ADAMTSL5: variants seen among roughly 807,000 people sequenced by gnomAD.
ADAMTSL5 encodes ADAMTS-like protein 5.
Under a neutral mutation model 51.7 loss-of-function variants are expected in ADAMTSL5, and 53 were observed. The ratio of observed to expected loss-of-function variants is 1.03; its 90% confidence interval spans 0.82 to 1.29. The LOEUF (loss-of-function observed/expected upper bound fraction) is 1.29. Ranked by LOEUF, ADAMTSL5 falls within the 50% of genes most tolerant of loss-of-function variation. The pLI, the probability that ADAMTSL5 is intolerant of heterozygous loss-of-function variation, is 0.00. For synonymous variants in ADAMTSL5, 285 were observed against 278.7 expected, an observed-to-expected ratio of 1.02 and a Z score of -0.23; for missense variants, 770 against 676.2, an observed-to-expected ratio of 1.14 and a Z score of -1.54.
chr19:1,511,606 C>G, intron 1 of ADAMTSL5: 1 of 1,278,284 alleles, frequency 7.8e-7, no homozygotes, highest in Non-Finnish European at 1.0e-6. Context: ...CCCGCCCTCC[C>G]CACCATCACT....
chr19:1,511,843 G>C (rs1386660583), intron 1 of ADAMTSL5: 1 of 324,504 alleles, frequency 3.1e-6, no homozygotes, highest in East Asian at 8.4e-5. Flanking sequence ...GAGTCCCCCG[G>C]ATTGGGGATG....
intron 1 of ADAMTSL5, among the ~76,000 whole-genome samples, chr19:1,512,662 A>T (rs1913322472): frequency 6.6e-6 from 1 of 152,172 alleles, no homozygotes; most frequent in South Asian, 2.1e-4. Context: ...CCTGGGCGAC[A>T]TAGTGAGACT....
intron 7 of ADAMTSL5, 116 bp downstream of exon 7, chr19:1,507,882 A>G: frequency 8.2e-7 from 1 of 1,212,770 alleles, no homozygotes; most frequent in Non-Finnish European, 1.2e-6. Flanking sequence ...CAGGATGAGG[A>G]GAAAGGGGGG....
At chr19:1,508,294 G>A in intron 6 of ADAMTSL5, 149 bp downstream of exon 6, 1 of 1,245,866 alleles carries the variant, frequency 8.0e-7, no homozygotes, top group South Asian at 1.6e-5. Context: ...AAGGGGGGCT[G>A]GGGGCAGGGC....
At position 1,512,280 on chromosome 19, in the gene ADAMTSL5, C is replaced by G. The variant is rs79000512; in HGVS notation, c.-218+683G>C. On this transcript the variant is annotated intron_variant, in intron 1 of 11. Transcript: ENST00000330475. ...CAAGGGTCTAGGGTCCTGGGTATCT[C>G]TAGGTACTGAGACAGCTGTGTGGTC... Among the ~76,000 whole-genome samples, 644 of 152,312 alleles carry G rather than the reference C, an allele frequency of 4.2e-3. 5 individuals are homozygous for G. The highest frequency in any genetic ancestry group is 0.015 in the African/African-American group (615 of 41,546).
chr19:1,507,946 G>A (rs1913038432), intron 7 of ADAMTSL5, 52 bp downstream of exon 7: 16 of 1,524,760 alleles, frequency 1.0e-5, no homozygotes, highest in South Asian at 7.2e-5. Flanking sequence ...GCCACGGCTC[G>A]TTAAAGGGCC....
intron 1 of ADAMTSL5, chr19:1,511,915 G>A (rs1311376285): frequency 4.4e-6 from 1 of 225,196 alleles, no homozygotes; most frequent in Non-Finnish European, 9.3e-6. Context: ...ATCGGCGGAG[G>A]GGGTGGGACT....
rs1451483886 is a variant in ADAMTSL5 at position 1,506,372 on chromosome 19, G to T, written c.1115-56C>A. ...TGCTCAACTCTGCGCAAATCTCTACGCCCCCTCCCTTGCCAGAAGAGGGAC... is the reference window on the plus strand; with the variant it reads ...TGCTCAACTCTGCGCAAATCTCTACTCCCCCTCCCTTGCCAGAAGAGGGAC... On this transcript the variant is annotated intron_variant, in intron 11 of 11. Coordinates refer to ENST00000330475, the MANE Select transcript of ADAMTSL5 (RefSeq NM_213604.3). This position sits in a 1 kb window ranked among gnomAD's most constrained non-coding sequence, Gnocchi z 5.6. 1.3e-6 allele frequency: 2 copies of T among 1,526,264 alleles called. No homozygotes were observed. Among genetic ancestry groups the T allele is most frequent in the African/African-American group, 2.8e-5 (2 of 72,700 alleles). 94.5% of individuals were successfully genotyped at this position (1,526,264 alleles called of 1,614,324 possible). A position where few individuals can be genotyped will look rare whatever the true frequency, so the allele number is the denominator to read the frequency against.
In ADAMTSL5 at chr19:1,508,506, G is replaced by T; in HGVS notation, c.426C>A (p.Arg142=). ...GGCTGCAGGCGGTGCCGTCCAGGAC[G>T]CGGCCGAAGCTGTGGTAGAAGGCGT... The part of the protein sequence containing the change: ...EGHAFYHSFG[R]VLDGTACSPG... The change falls in exon 6 of 12, where the codon CGC becomes CGA. Residue 142 remains arginine (R), a synonymous_variant. Transcript: ENST00000330475. 6.3e-7 allele frequency: 1 copy of T among 1,587,008 alleles called. No individual in the cohort carries two copies. Among genetic ancestry groups the T allele is most frequent in the South Asian group, 1.1e-5 (1 of 88,556 alleles).
At position 1,508,557 on chromosome 19, in the gene ADAMTSL5, G is replaced by A. The variant is rs1345653961; in HGVS notation, c.375C>T (p.Cys125=). 1 of 1,563,528 alleles carries A rather than the reference G, an allele frequency of 6.4e-7. No individual in the cohort carries two copies. Among genetic ancestry groups the A allele is most frequent in the East Asian group, 2.3e-5 (1 of 42,638 alleles). ...WVPFHGAPNQ[C]DLNCLAEGHA... is the part of the protein sequence containing the mutation. The stretch of plus-strand genomic sequence containing the variant: ...GCCCCTCAGCCAGGCAGTTGAGGTC[G>A]CACTGGTTGGGCGCTGAGGGCAGGA... Residue 125 remains cysteine, a synonymous_variant, in exon 6 of 12, where the codon TGC becomes TGT. Coordinates refer to ENST00000330475, the MANE Select transcript of ADAMTSL5 (RefSeq NM_213604.3).
In ADAMTSL5 at chr19:1,510,220, C is replaced by G. The variant is rs765679876; in HGVS notation, c.291G>C (p.Gln97His). Residue 97 changes from glutamine to histidine, a missense_variant, in exon 5 of 12, where the codon CAG (glutamine) becomes CAC (histidine). By Grantham distance (24) the Gln-to-His change is conservative. Coordinates refer to ENST00000330475, the MANE Select transcript of ADAMTSL5 (RefSeq NM_213604.3). The stretch of plus-strand genomic sequence containing the variant: ...CAGGGCGGCCATTGTACAGGGCACA[C>G]TGTAGGTCTCGGAAGGGCACAGCCC... ...PPGAVPFRDL[Q>H]CALYNGRPVL... 2.5e-6 allele frequency: 4 copies of G among 1,613,350 alleles called. No individual in the cohort carries two copies. Among genetic ancestry groups the G allele is most frequent in the Non-Finnish European group, 2.5e-6 (3 of 1,179,916 alleles).
chr19:1,508,804 C>T (rs1568243319), intron 5 of ADAMTSL5: 2 of 475,106 alleles, frequency 4.2e-6, no homozygotes, highest in Non-Finnish European at 3.7e-6. Flanking sequence ...TTCATTCATT[C>T]ATTGTCTTTA....
intron 5 of ADAMTSL5, among the ~76,000 whole-genome samples, chr19:1,509,690 A>G (rs1913157607): frequency 6.6e-6 from 1 of 152,046 alleles, no homozygotes; most frequent in African/African-American, 2.4e-5. Context: ...GAAGGAAGAA[A>G]GGGAAGGAAG....
At chr19:1,507,886 A>G in intron 7 of ADAMTSL5, 112 bp downstream of exon 7, 5 of 1,236,218 alleles carry the variant, frequency 4.0e-6, no homozygotes, top group East Asian at 2.6e-5. Context: ...ATGAGGAGAA[A>G]GGGGGGCTGG....
In ADAMTSL5 at chr19:1,505,489, C is replaced by A. The variant is rs937558766; in HGVS notation, c.*526G>T. On this transcript the variant is annotated 3_prime_UTR_variant, in exon 12 of 12. Coordinates refer to ENST00000330475, the MANE Select transcript of ADAMTSL5 (RefSeq NM_213604.3). The stretch of plus-strand genomic sequence containing the variant: ...GCCAGGGGAAAAGGGGAAATTGGTA[C>A]GTTGGTACGTTACAGTGCCTGGTTA... 5 of 152,228 alleles carry A rather than the reference C, an allele frequency of 3.3e-5. No homozygotes were observed. Among genetic ancestry groups the A allele is most frequent in the African/African-American group, 1.2e-4 (5 of 41,378 alleles). 9.4% of individuals were successfully genotyped at this position (152,228 alleles called of 1,614,324 possible). A position where few individuals can be genotyped will look rare whatever the true frequency, so the allele number is the denominator to read the frequency against.
chr19:1,510,339 G>C (rs763511871), intron 4 of ADAMTSL5, 29 bp downstream of exon 4: 3 of 1,613,746 alleles, frequency 1.9e-6, no homozygotes, highest in Non-Finnish European at 2.5e-6. Context: ...TGGGGTGGGA[G>C]AGTGGTCTGG....
rs771642393 is a variant in ADAMTSL5, at chr19:1,508,454, C to G, written c.478G>C (p.Gly160Arg). The change falls in exon 6 of 12, where the codon GGC becomes CGC. Residue 160 changes from glycine (G) to arginine (R), a missense_variant. Gly to Arg is a moderately radical substitution (Grantham distance 125). Coordinates refer to ENST00000330475, the MANE Select transcript of ADAMTSL5 (RefSeq NM_213604.3). ...SPGAQGVCVAGRCLSAGCDGL... is the reference protein window; with the variant it reads ...SPGAQGVCVARRCLSAGCDGL... ...TGACGAGTCCTTACAAGGCAGCGGC[C>G]AGCCACGCAGACCCCCTGGGCACCC... 1 of 1,562,232 alleles carries G rather than the reference C, an allele frequency of 6.4e-7. No individual in the cohort carries two copies.
In ADAMTSL5 at chr19:1,512,961, A is replaced by T. The variant is rs1913336745; in HGVS notation, c.-218+2T>A. 1 of 152,282 alleles carries T rather than the reference A, an allele frequency of 6.6e-6. No homozygotes were observed. The highest frequency in any genetic ancestry group is 1.9e-4 in the East Asian group (1 of 5,178). The allele number at this position is 152,282 out of a possible 1,614,324, so 9.4% of individuals were successfully genotyped here. A position where few individuals can be genotyped will look rare whatever the true frequency, so the allele number is the denominator to read the frequency against. ...AGTGGGAGGATAGGCAGATGGACTTACCGGCTGCGCGGAGCCCAGGCAGCG... is the reference window on the plus strand; with the variant it reads ...AGTGGGAGGATAGGCAGATGGACTTTCCGGCTGCGCGGAGCCCAGGCAGCG... On this transcript the variant is annotated splice_donor_variant, in intron 1 of 11. Coordinates refer to ENST00000330475, the MANE Select transcript of ADAMTSL5 (RefSeq NM_213604.3). LOFTEE classifies it low-confidence loss of function (5UTR_SPLICE).
chr19:1,507,399 A>G lies in ADAMTSL5; in HGVS notation c.695T>C (p.Met232Thr). The change falls in exon 9 of 12, where the codon ATG becomes ACG. Residue 232 changes from methionine to threonine, a missense_variant. Transcript: ENST00000330475. ...EHRSRNHLAL[M>T]GGDGRYVLNG... is the part of the protein sequence containing the mutation. ...AAGCACGTAGCGCCCATCGCCCCCC[A>G]TCAGTGCTGCAAGGGAACAGTCAGC... 1.3e-6 allele frequency: 2 copies of G among 1,576,660 alleles called. No individual in the cohort carries two copies. Among genetic ancestry groups the G allele is most frequent in the Non-Finnish European group, 1.7e-6 (2 of 1,160,316 alleles).
Sources: allele counts gnomAD v4.1 joint callset (sites outside exome capture counted in the v4.1 genomes callset), GRCh38; gene constraint gnomAD v4.1.1; non-coding constraint Gnocchi (gnomAD v3.1); transcripts MANE v1.5; gene names NCBI Gene and HGNC (gene_info 2026-07-23, HGNC 2026-07-21).